Variants in KANK1 observed in about 807,000 individuals in gnomAD.
KANK1 encodes the protein KN motif and ankyrin repeat domain-containing protein 1.
A neutral mutation model predicts 106.2 loss-of-function variants in KANK1; 109 were observed. The ratio of observed to expected loss-of-function variants is 1.03; its 90% CI spans 0.88 to 1.20. The LOEUF is 1.20. KANK1 is among the 50% of genes most tolerant of loss of function. The probability of loss-of-function intolerance (pLI) is 0.00; values close to 1 mark genes in which losing one functional copy is unlikely to be tolerated. For missense variants in KANK1, 2,399 were observed against 1,710.7 expected, an observed-to-expected ratio of 1.40 and a Z score of -7.10; for synonymous variants, 873 against 652.2, an observed-to-expected ratio of 1.34 and a Z score of -5.16.
intron 1 of KANK1, among the ~76,000 whole-genome samples, chr9:513,208 T>C (rs10974930): frequency 0.16 from 24,626 of 151,932 alleles, 3,603 homozygotes; most frequent in African/African-American, 0.4. Flanking sequence ...TTTGCCTTTT[T>C]CTTCCCTACA....
chr9:578,669 A>G (rs1474227527), intron 1 of KANK1, among the ~76,000 whole-genome samples: 1 of 152,214 alleles, frequency 6.6e-6, no homozygotes, highest in Non-Finnish European at 1.5e-5. Context: ...GAAAAAATCA[A>G]GCATGACAAT....
intron 1 of KANK1, among the ~76,000 whole-genome samples, chr9:584,888 G>T (rs945589814): frequency 2.0e-5 from 3 of 152,162 alleles, no homozygotes; most frequent in East Asian, 3.8e-4. Flanking sequence ...AAAGTTCTTG[G>T]CAGGAAGTCT....
chr9:567,298 T>G (rs368429750), intron 1 of KANK1, among the ~76,000 whole-genome samples: 1 of 152,236 alleles, frequency 6.6e-6, no homozygotes, highest in Admixed American at 6.5e-5. Context: ...CTTTGTTCTT[T>G]TTGCTTAGGA....
At chr9:696,597 AT>A (rs920566880) in intron 2 of KANK1, among the ~76,000 whole-genome samples, 1 of 152,020 alleles carries the variant, frequency 6.6e-6, no homozygotes, top group African/African-American at 2.4e-5. Flanking sequence ...AAGCTTGAAA[AT>A]TTCTCAGTAC....
chr9:612,528 A>G (rs868661690), intron 1 of KANK1, among the ~76,000 whole-genome samples: 1 of 152,130 alleles, frequency 6.6e-6, no homozygotes, highest in African/African-American at 2.4e-5. Context: ...AAAACAGTTT[A>G]TGTTCTGCCT....
chr9:521,834 C>G (rs1367194439), intron 1 of KANK1, among the ~76,000 whole-genome samples: 2 of 151,656 alleles, frequency 1.3e-5, no homozygotes, highest in African/African-American at 4.9e-5. Flanking sequence ...TGCCAAAGTG[C>G]TGGGATTACA....
intron 4 of KANK1, 65 bp downstream of exon 4, chr9:730,313 T>C: frequency 6.8e-7 from 1 of 1,464,250 alleles, no homozygotes; most frequent in Non-Finnish European, 9.6e-7. Flanking sequence ...AGCATTCCAA[T>C]TTAATGTCAA....
At chr9:706,972 C>A (rs1030313425) in intron 2 of KANK1, 1 of 985,510 alleles carries the variant, frequency 1.0e-6, no homozygotes, top group Non-Finnish European at 1.2e-6. Context: ...GAAGAACACA[C>A]ATTTTCAGAA....
At chr9:599,058 A>C (rs1388340783) in intron 1 of KANK1, among the ~76,000 whole-genome samples, 2 of 134,222 alleles carry the variant, frequency 1.5e-5, no homozygotes, top group Non-Finnish European at 3.2e-5. Context: ...CGCTTTTGTC[A>C]CCCAGGCTGG....
At chr9:551,907 T>A (rs2061307013) in intron 1 of KANK1, among the ~76,000 whole-genome samples, 1 of 151,240 alleles carries the variant, frequency 6.6e-6, no homozygotes, top group South Asian at 2.1e-4. Flanking sequence ...AAATCAAAAA[T>A]TAGCTGGGTG....
Position 549,906 on chromosome 9 carries a change from G to C in KANK1, c.-84+45152G>C, listed in dbSNP as rs541869779. ...GTAAAATGAACCTTAATGGAGGTTGGGGGGTGGCACGCACAAAGTCCTGGG... is the reference window on the plus strand; with the variant it reads ...GTAAAATGAACCTTAATGGAGGTTGCGGGGTGGCACGCACAAAGTCCTGGG... On this transcript the variant is annotated intron_variant, in intron 1 of 11. Transcript: ENST00000382297. Among the ~76,000 whole-genome samples the C allele has an allele frequency of 4.6e-5, 7 of 152,208 alleles. No homozygotes were observed. The South Asian group carries it at 1.2e-3, about 27-fold the overall frequency.
rs759937507 is a variant in KANK1 at position 740,858 on chromosome 9, C to T, written c.3620C>T (p.Ala1207Val). The T allele has an allele frequency of 6.2e-7, 1 of 1,614,128 alleles. No homozygotes were observed. The highest frequency in any genetic ancestry group is 1.7e-5 in the Admixed American group (1 of 60,020). Residue 1207 changes from alanine to valine, a missense_variant, in exon 9 of 12, where the codon GCT becomes GTT. Ala to Val is a moderately conservative substitution (Grantham distance 64). Transcript: ENST00000382297. Reference protein sequence around the residue: ...YTPIMLAALAAVEAEKDMRIV... With the variant: ...YTPIMLAALAVVEAEKDMRIV... ...CCCATCATGTTGGCGGCCCTCGCCG[C>T]TGTGGAAGCAGAGAAGGACATGCGG...
chr9:551,953 G>A (rs2061310195), intron 1 of KANK1, among the ~76,000 whole-genome samples: 1 of 152,162 alleles, frequency 6.6e-6, no homozygotes, highest in South Asian at 2.1e-4. Context: ...CTACTCAGGA[G>A]GCTGAGTTGG....
chr9:544,626 AG>A (rs1050374676), intron 1 of KANK1, among the ~76,000 whole-genome samples: 1 of 152,144 alleles, frequency 6.6e-6, no homozygotes, highest in Non-Finnish European at 1.5e-5. Flanking sequence ...GCGCTCTGAT[AG>A]GGGAAGTACG....
chr9:665,212 T>C (rs749310841), intron 1 of KANK1, among the ~76,000 whole-genome samples: 1 of 152,212 alleles, frequency 6.6e-6, no homozygotes, highest in Non-Finnish European at 1.5e-5. Flanking sequence ...TGCCTATGCT[T>C]TTGAGAACTT....
rs138890350 is a variant in KANK1, at chr9:488,418, A to C, written c.-362+15145A>C. 6.0e-4 allele frequency among the ~76,000 whole-genome samples: 92 copies of C among 152,342 alleles called. No individual in the cohort carries two copies. In the East Asian group the frequency reaches 0.016, roughly 26 times the overall value. On this transcript the variant is annotated intron_variant, in intron 3 of 15. Coordinates refer to the KANK1 transcript ENST00000382303. ...ACACTTTGTTGCTCATTCATGCTGG[A>C]AAAGAAGACAAGAAACAAGCCAAAA...
In KANK1 at chr9:598,620, C is replaced by CTTTTTT. The variant is rs3028166; in HGVS notation, c.-83-78245_-83-78240dup. On this transcript the variant is annotated intron_variant, in intron 1 of 11. Transcript: ENST00000382297. ...TTTTTTGTTTTGTTTTGTTGGTTTT[C>CTTTTTT]TTTTTTTTTTTTTTTTTTTTTTTTT... Among the ~76,000 whole-genome samples, 68 of 46,684 alleles carry CTTTTTT rather than the reference C, an allele frequency of 1.5e-3. 6 individuals carry two copies. Among genetic ancestry groups the CTTTTTT allele is most frequent in the East Asian group, 2.6e-3 (4 of 1,512 alleles). The allele number at this position is 46,684 out of a possible 152,430, so 30.6% of individuals were successfully genotyped here.
intron 2 of KANK1, among the ~76,000 whole-genome samples, chr9:691,764 C>T (rs553408221): frequency 1.3e-5 from 2 of 148,482 alleles, no homozygotes; most frequent in African/African-American, 5.0e-5. Context: ...CAGGGGCAAG[C>T]CAGCACACCT....
intron 10 of KANK1, 121 bp downstream of exon 10, chr9:742,526 C>A: frequency 1.4e-6 from 1 of 723,894 alleles, no homozygotes; most frequent in Non-Finnish European, 2.2e-6. Context: ...GGATTTGTGT[C>A]GCCATCTAGG....
Sources: allele counts gnomAD v4.1 joint callset (sites outside exome capture counted in the v4.1 genomes callset), GRCh38; gene constraint gnomAD v4.1.1; transcripts MANE v1.5; gene names NCBI Gene and HGNC (gene_info 2026-07-23, HGNC 2026-07-21).